Variants in PTPRD observed in about 807,000 individuals in gnomAD.
The protein encoded by PTPRD is protein tyrosine phosphatase receptor type D, also known as receptor-type tyrosine-protein phosphatase delta.
In PTPRD, 34 loss-of-function variants were observed where a neutral mutation model predicts 214.5. The observed-to-expected ratio is 0.16, with a 90% CI of 0.12 to 0.21. The LOEUF is 0.21. Ranked by LOEUF, PTPRD falls within the 10% of genes least tolerant of loss-of-function variation. The probability of loss-of-function intolerance (pLI) is 1.00; values close to 1 mark genes in which losing one functional copy is unlikely to be tolerated. For missense variants in PTPRD, 2,545 were observed against 2,398.7 expected, an observed-to-expected ratio of 1.06 and a Z score of -1.27; for synonymous variants, 1,128 against 845.7, an observed-to-expected ratio of 1.33 and a Z score of -5.79.
At chr9:8,477,594 T>A (rs2096790569) in intron 30 of PTPRD, among the ~76,000 whole-genome samples, 1 of 152,220 alleles carries the variant, frequency 6.6e-6, no homozygotes, top group African/African-American at 2.4e-5. Flanking sequence ...AGTTTAATGA[T>A]GAATGTCATT....
At chr9:8,652,561 G>T (rs1010283699) in intron 12 of PTPRD, among the ~76,000 whole-genome samples, 17 of 152,308 alleles carry the variant, frequency 1.1e-4, no homozygotes, top group Non-Finnish European at 2.5e-4. Flanking sequence ...GGTTATGCTG[G>T]CTACAACAGA....
At chr9:10,469,632 A>G (rs1370210727) in intron 2 of PTPRD, among the ~76,000 whole-genome samples, 2 of 152,140 alleles carry the variant, frequency 1.3e-5, no homozygotes, top group Admixed American at 6.6e-5. Context: ...TAGAGCTACT[A>G]TATGACCAAG....
chr9:9,426,023 C>T (rs1730814734), intron 8 of PTPRD, among the ~76,000 whole-genome samples: 1 of 152,040 alleles, frequency 6.6e-6, no homozygotes, highest in Non-Finnish European at 1.5e-5. Flanking sequence ...AACTGAGGTA[C>T]CAGGTTCGTC....
intron 11 of PTPRD, among the ~76,000 whole-genome samples, chr9:9,003,546 G>A (rs2099433667): frequency 1.3e-5 from 2 of 152,016 alleles, no homozygotes; most frequent in African/African-American, 2.4e-5. Flanking sequence ...ATTGTTGGCT[G>A]GATCTCAGTG....
chr9:8,967,309 A>G (rs1012304880), intron 11 of PTPRD, among the ~76,000 whole-genome samples: 4 of 152,018 alleles, frequency 2.6e-5, no homozygotes, highest in Non-Finnish European at 5.9e-5. Context: ...TGGATATGAA[A>G]TGAAAACAAA....
intron 3 of PTPRD, among the ~76,000 whole-genome samples, chr9:10,312,512 A>G (rs2096294389): frequency 6.6e-6 from 1 of 152,046 alleles, no homozygotes; most frequent in East Asian, 1.9e-4. Context: ...ATAAAAACCT[A>G]TCATAAGAAG....
At chr9:9,019,274 A>AAAG in intron 10 of PTPRD, among the ~76,000 whole-genome samples, 1 of 143,610 alleles carries the variant, frequency 7.0e-6, no homozygotes, top group Non-Finnish European at 1.5e-5. Flanking sequence ...AAAGAAAGAA[A>AAAG]AAGAAAGAAG....
chr9:8,694,852 G>C (rs72700371), intron 12 of PTPRD, among the ~76,000 whole-genome samples: 4 of 151,972 alleles, frequency 2.6e-5, no homozygotes, highest in African/African-American at 9.7e-5. Flanking sequence ...TTACTGTGGA[G>C]CCCCATGGCT....
intron 10 of PTPRD, among the ~76,000 whole-genome samples, chr9:9,033,781 A>G (rs324462): frequency 6.6e-6 from 1 of 151,698 alleles, no homozygotes. Context: ...TATCTCAGGC[A>G]TGAAACACCA....
intron 12 of PTPRD, among the ~76,000 whole-genome samples, chr9:8,658,683 AAAAAAG>A (rs1289316371): frequency 8.7e-4 from 133 of 152,084 alleles, no homozygotes; most frequent in African/African-American, 3.1e-3. Context: ...AAAAAAAAAA[AAAAAAG>A]GTGAAGACAA....
chr9:9,346,433 T>A (rs1430335425), intron 9 of PTPRD, among the ~76,000 whole-genome samples: 1 of 152,168 alleles, frequency 6.6e-6, no homozygotes, highest in African/African-American at 2.4e-5. Context: ...ATTACCATAA[T>A]AATTACAAAA....
At chr9:9,872,828 G>T (rs1379902558) in intron 5 of PTPRD, among the ~76,000 whole-genome samples, 1 of 152,064 alleles carries the variant, frequency 6.6e-6, no homozygotes, top group Non-Finnish European at 1.5e-5. Flanking sequence ...GAAGATGGAG[G>T]AGAGGCAGAA....
At chr9:10,179,504 C>T (rs1266751220) in intron 3 of PTPRD, among the ~76,000 whole-genome samples, 1 of 151,818 alleles carries the variant, frequency 6.6e-6, no homozygotes, top group Admixed American at 6.6e-5. Flanking sequence ...TCAAGTTTTA[C>T]TAATATAGTA....
chr9:8,946,336 C>A lies in PTPRD; in HGVS notation c.-104+72361G>T, dbSNP rs575704544. Among the ~76,000 whole-genome samples, 13 of 152,148 alleles carry A rather than the reference C, an allele frequency of 8.5e-5. No homozygotes were observed. The South Asian group carries it at 2.7e-3, about 32-fold the overall frequency. ...AAAACGGAGACCACCCCCCCACCAC[C>A]CCAAGGAGGCAGCAGTATATAGGTT... On this transcript the variant is annotated intron_variant, in intron 11 of 45. Transcript: ENST00000381196.
At chr9:8,590,702 A>G (rs1443002193) in intron 14 of PTPRD, among the ~76,000 whole-genome samples, 1 of 152,166 alleles carries the variant, frequency 6.6e-6, no homozygotes, top group Admixed American at 6.5e-5. Context: ...AGGGGTCACA[A>G]AGGCATATGG....
At chr9:8,690,335 G>C (rs1452398397) in intron 12 of PTPRD, among the ~76,000 whole-genome samples, 1 of 151,706 alleles carries the variant, frequency 6.6e-6, no homozygotes, top group African/African-American at 2.4e-5. Context: ...AGACCATCCT[G>C]GATAACGCAG....
In PTPRD at chr9:8,485,993, G is replaced by C. The variant is rs2135935583; in HGVS notation, c.2824C>G (p.Pro942Ala). ...ATGCCATTTCTCTCTGCCAGGACAG[G>C]TGGTTGCCAAGATAACTGGACGGAG... ...STSVQLSWQP[P>A]VLAERNGIIT... is the part of the protein sequence containing the mutation. Residue 942 changes from proline to alanine, a missense_variant, in exon 28 of 46, where the codon CCT becomes GCT. Transcript: ENST00000381196. 1 of 1,614,194 alleles carries C rather than the reference G, an allele frequency of 6.2e-7. No individual in the cohort carries two copies. The highest frequency in any genetic ancestry group is 1.6e-4 in the Middle Eastern group (1 of 6,062).
chr9:10,552,967 A>C (rs1318949891), intron 2 of PTPRD, among the ~76,000 whole-genome samples: 1 of 152,198 alleles, frequency 6.6e-6, no homozygotes, highest in Non-Finnish European at 1.5e-5. Context: ...GATGGAGTTT[A>C]TGATGACTAT....
intron 8 of PTPRD, among the ~76,000 whole-genome samples, chr9:9,539,309 T>C (rs2077124047): frequency 6.6e-6 from 1 of 151,762 alleles, no homozygotes; most frequent in African/African-American, 2.4e-5. Flanking sequence ...AAAGCTTCTG[T>C]CACTTGAGCA....
Sources: allele counts gnomAD v4.1 joint callset (sites outside exome capture counted in the v4.1 genomes callset), GRCh38; gene constraint gnomAD v4.1.1; transcripts MANE v1.5; gene names NCBI Gene and HGNC (gene_info 2026-07-23, HGNC 2026-07-21).